Variants in RBFOX3 observed in about 807,000 individuals in gnomAD.
RBFOX3 encodes RNA binding fox-1 homolog 3.
RBFOX3 carries 17 observed loss-of-function variants against 48.7 expected under a neutral mutation model. The ratio of observed to expected loss-of-function variants is 0.35; its 90% CI spans 0.24 to 0.52. RBFOX3 has a LOEUF of 0.52. Among genes scored for constraint, RBFOX3 ranks in the 20% least tolerant of loss-of-function variants. RBFOX3 has a pLI of 0.94. For missense variants in RBFOX3, 382 were observed against 497.5 expected, an observed-to-expected ratio of 0.77 and a Z score of 2.21; for synonymous variants, 212 against 209.5, an observed-to-expected ratio of 1.01 and a Z score of -0.10.
chr17:79,543,385 C>T (rs1481045930), intron 1 of RBFOX3, among the ~76,000 whole-genome samples: 2 of 152,086 alleles, frequency 1.3e-5, no homozygotes, highest in Admixed American at 6.5e-5. Context: ...CAGTGGTGCA[C>T]AGTGAAAGGA....
chr17:79,340,164 T>A (rs1052726151), intron 2 of RBFOX3, among the ~76,000 whole-genome samples: 4 of 151,846 alleles, frequency 2.6e-5, no homozygotes, highest in African/African-American at 9.7e-5. Context: ...CCAGGTGTGG[T>A]GGTGCACGCC....
Position 79,412,935 on chromosome 17 carries a change from C to T in RBFOX3, c.-175+69519G>A, listed in dbSNP as rs764802679. Among the ~76,000 whole-genome samples the T allele has an allele frequency of 1.9e-3, 291 of 152,174 alleles. 4 individuals carry two copies. Among genetic ancestry groups the T allele is most frequent in the South Asian group, 1.0e-3 (5 of 4,822 alleles). On this transcript the variant is annotated intron_variant, in intron 2 of 14. Coordinates refer to ENST00000693108, the MANE Select transcript of RBFOX3 (RefSeq NM_001350451.2). ...ACCCACAGTAAAGGGGTGACTACCA[C>T]TCTCTGACCCTGAGCCCCTCTCTGT...
Position 79,477,015 on chromosome 17 carries a change from T to C in RBFOX3, c.-175+5439A>G, listed in dbSNP as rs1340440346. On this transcript the variant is annotated intron_variant, in intron 2 of 14. Coordinates refer to ENST00000693108, the MANE Select transcript of RBFOX3 (RefSeq NM_001350451.2). The surrounding 1 kb of genome is among the most constrained non-coding windows in gnomAD (Gnocchi z 4.8). The stretch of plus-strand genomic sequence containing the variant: ...TGGGAGGCCTAGGTGGGTGGATCAC[T>C]TGAGGTCAGGAGTTCGAGACCAGCC... Among the ~76,000 whole-genome samples, 6 of 148,886 alleles carry C rather than the reference T, an allele frequency of 4.0e-5. No individual in the cohort carries two copies. The highest frequency in any genetic ancestry group is 2.0e-4 in the East Asian group (1 of 4,954).
At chr17:79,129,327 A>ACCTGGGATCTGAACCCAGG (rs1331419725) in intron 4 of RBFOX3, among the ~76,000 whole-genome samples, 4 of 152,316 alleles carry the variant, frequency 2.6e-5, no homozygotes, top group Non-Finnish European at 5.9e-5. Context: ...GATGTAGCAG[A>ACCTGGGATCTGAACCCAGG]CCTGGGATCT....
At chr17:79,296,301 CACACCA>C in intron 3 of RBFOX3, among the ~76,000 whole-genome samples, 1 of 136,074 alleles carries the variant, frequency 7.3e-6, no homozygotes, top group East Asian at 2.0e-4. Flanking sequence ...CACACACACA[CACACCA>C]CACACACACA....
chr17:79,203,756 G>A (rs1007613835), intron 4 of RBFOX3, among the ~76,000 whole-genome samples: 14 of 152,108 alleles, frequency 9.2e-5, no homozygotes, highest in African/African-American at 3.4e-4. Context: ...ATGGAAATAT[G>A]TAACTAGACC....
chr17:79,257,293 G>A (rs1024994131), intron 3 of RBFOX3, among the ~76,000 whole-genome samples: 5 of 152,226 alleles, frequency 3.3e-5, no homozygotes, highest in Non-Finnish European at 5.9e-5. Flanking sequence ...CACCAGCACA[G>A]GGATGCATGT....
intron 3 of RBFOX3, among the ~76,000 whole-genome samples, chr17:79,251,909 C>T (rs1046920076): frequency 3.3e-5 from 5 of 152,172 alleles, no homozygotes; most frequent in African/African-American, 7.2e-5. Context: ...CCCCAGTGGC[C>T]GAGCTCACAC....
At chr17:79,573,171 G>A (rs1005844076) in intron 1 of RBFOX3, among the ~76,000 whole-genome samples, 1 of 152,106 alleles carries the variant, frequency 6.6e-6, no homozygotes, top group East Asian at 1.9e-4. Flanking sequence ...CAAGAGCCAA[G>A]CCCAGCCACT....
chr17:79,493,876 A>C (rs2081062790), intron 1 of RBFOX3, among the ~76,000 whole-genome samples: 1 of 152,170 alleles, frequency 6.6e-6, no homozygotes, highest in South Asian at 2.1e-4. Flanking sequence ...CCGCGGCAGT[A>C]GGGCTCCTTG....
At chr17:79,554,511 TG>T (rs2091458646) in intron 1 of RBFOX3, among the ~76,000 whole-genome samples, 7 of 152,068 alleles carry the variant, frequency 4.6e-5, no homozygotes, top group East Asian at 1.9e-4. Flanking sequence ...GACCTGGCCC[TG>T]CTGGCCCTTT....
In RBFOX3 at chr17:79,546,714, G is replaced by A. The variant is rs369269984; in HGVS notation, c.-320+64112C>T. ...AGACACGGTCTCACCCTGTTGCCCA[G>A]GCTGGAGTGCAGTGGTGCTATCTCT... On this transcript the variant is annotated intron_variant, in intron 1 of 14. Coordinates refer to ENST00000693108, the MANE Select transcript of RBFOX3 (RefSeq NM_001350451.2). Among the ~76,000 whole-genome samples, 311 of 144,712 alleles carry A rather than the reference G, an allele frequency of 2.1e-3. 3 individuals are homozygous for A. The South Asian group carries it at 0.026, about 12-fold the overall frequency. 94.9% of individuals were successfully genotyped at this position (144,712 alleles called of 152,430 possible).
intron 4 of RBFOX3, among the ~76,000 whole-genome samples, chr17:79,148,572 T>G (rs1304347535): frequency 6.6e-6 from 1 of 152,242 alleles, no homozygotes; most frequent in African/African-American, 2.4e-5. Flanking sequence ...ACTGAACTTC[T>G]CTGGGTATCC....
chr17:79,170,925 C>T (rs990607909), intron 4 of RBFOX3, among the ~76,000 whole-genome samples: 5 of 152,216 alleles, frequency 3.3e-5, no homozygotes, highest in Non-Finnish European at 4.4e-5. Flanking sequence ...TAAACTGCTG[C>T]CTCCGTGTGG....
intron 3 of RBFOX3, among the ~76,000 whole-genome samples, chr17:79,268,900 C>T (rs904896204): frequency 5.3e-5 from 8 of 152,254 alleles, no homozygotes; most frequent in African/African-American, 1.7e-4. Flanking sequence ...CTCCCTGAAA[C>T]GTCTCCCTCT....
the RBFOX3 span, among the ~76,000 whole-genome samples, chr17:79,635,059 CAAAAAAAAAAAAAAAAAAAAAAAAAAA>C: frequency 1.1e-4 from 6 of 53,520 alleles, no homozygotes; most frequent in South Asian, 3.1e-3. Flanking sequence ...GACTCCATCT[CAAAAAAAAAAAAAAAAAAAAAAAAAAA>C]AAAAAAAAAA....
the RBFOX3 span, among the ~76,000 whole-genome samples, chr17:79,619,870 C>G: frequency 6.6e-6 from 1 of 152,212 alleles, no homozygotes; most frequent in Non-Finnish European, 1.5e-5. Context: ...AAATTCTCCT[C>G]TGGCCGTCGT....
At chr17:79,561,066 G>A (rs1004167469) in intron 1 of RBFOX3, among the ~76,000 whole-genome samples, 4,529 of 152,316 alleles carry the variant, frequency 0.03, 104 homozygotes, top group Middle Eastern at 0.071. Flanking sequence ...CTCAAAGGAG[G>A]ATGTGTTCAC....
chr17:79,589,102 C>A lies in RBFOX3; in HGVS notation c.-320+21724G>T, dbSNP rs893114498. Among the ~76,000 whole-genome samples, 165 of 152,346 alleles carry A rather than the reference C, an allele frequency of 1.1e-3. 3 individuals are homozygous for A. Among genetic ancestry groups the A allele is most frequent in the African/African-American group, 3.8e-3 (158 of 41,576 alleles). On this transcript the variant is annotated intron_variant, in intron 1 of 14. Coordinates refer to ENST00000693108, the MANE Select transcript of RBFOX3 (RefSeq NM_001350451.2). ...ACAGTTCTTTCAGGGCATAGCAGTG[C>A]TCAAGGGTGGGGAACTTAAGGAACT...
Sources: allele counts gnomAD v4.1 joint callset (sites outside exome capture counted in the v4.1 genomes callset), GRCh38; gene constraint gnomAD v4.1.1; non-coding constraint Gnocchi (gnomAD v3.1); transcripts MANE v1.5; gene names NCBI Gene and HGNC (gene_info 2026-07-23, HGNC 2026-07-21).